BMPR1B: variants seen among roughly 807,000 people sequenced by gnomAD.
The protein encoded by BMPR1B is bone morphogenetic protein receptor type 1B.
BMPR1B carries 12 observed loss-of-function variants against 59.1 expected under a neutral mutation model. The observed-to-expected ratio is 0.20, with a 90% CI of 0.13 to 0.33. BMPR1B has a LOEUF of 0.33. Ranked by LOEUF, BMPR1B falls within the 10% of genes least tolerant of loss-of-function variation. The pLI is 1.00. For missense variants in BMPR1B, 550 were observed against 610.9 expected, an observed-to-expected ratio of 0.90 and a Z score of 1.05; for synonymous variants, 237 against 207.3, an observed-to-expected ratio of 1.14 and a Z score of -1.23.
At chr4:95,097,267 A>ATG (rs1358457656) in intron 3 of BMPR1B, among the ~76,000 whole-genome samples, 1 of 151,236 alleles carries the variant, frequency 6.6e-6, no homozygotes, top group Non-Finnish European at 1.5e-5. Flanking sequence ...GGAGGGAGGG[A>ATG]CAAAGGAATA....
At chr4:95,141,883 G>C (rs372558691) in intron 10 of BMPR1B, among the ~76,000 whole-genome samples, 2 of 152,210 alleles carry the variant, frequency 1.3e-5, no homozygotes, top group African/African-American at 4.8e-5. Context: ...AAGTACAAAA[G>C]AGATAGGGTA....
intron 1 of BMPR1B, among the ~76,000 whole-genome samples, chr4:94,829,327 CTT>C (rs35278466): frequency 1.7e-4 from 23 of 136,876 alleles, no homozygotes; most frequent in Non-Finnish European, 1.9e-4. Flanking sequence ...TTTTATTTTC[CTT>C]TTTTTTTTTT....
intron 3 of BMPR1B, among the ~76,000 whole-genome samples, chr4:95,017,395 G>A (rs1442455458): frequency 1.3e-5 from 2 of 152,156 alleles, no homozygotes; most frequent in Non-Finnish European, 2.9e-5. Context: ...ACTGCATCAC[G>A]AGGGACTTTT....
intron 1 of BMPR1B, among the ~76,000 whole-genome samples, chr4:94,818,553 C>T (rs1169301505): frequency 1.3e-5 from 2 of 152,198 alleles, no homozygotes; most frequent in Non-Finnish European, 2.9e-5. Flanking sequence ...TAGATTAAAG[C>T]AGTGACCAGA....
intron 2 of BMPR1B, among the ~76,000 whole-genome samples, chr4:94,990,676 T>TTGTTG (rs1721677727): frequency 6.7e-6 from 1 of 149,994 alleles, no homozygotes; most frequent in Admixed American, 6.7e-5. Context: ...GGAATGAGGT[T>TTGTTG]TTGTTGTTGT....
At chr4:95,025,130 G>A (rs912159355) in intron 3 of BMPR1B, among the ~76,000 whole-genome samples, 10 of 152,088 alleles carry the variant, frequency 6.6e-5, no homozygotes, top group Admixed American at 2.6e-4. Flanking sequence ...TATAGGGACC[G>A]TGGAAGGAAA....
At chr4:94,879,144 C>A (rs1180058506) in intron 2 of BMPR1B, among the ~76,000 whole-genome samples, 1 of 152,170 alleles carries the variant, frequency 6.6e-6, no homozygotes, top group Non-Finnish European at 1.5e-5. Context: ...ATTATAATTT[C>A]TTCTCATTTC....
chr4:94,862,706 C>T (rs112321344), intron 1 of BMPR1B, among the ~76,000 whole-genome samples: 1 of 150,528 alleles, frequency 6.6e-6, no homozygotes, highest in Non-Finnish European at 1.5e-5. Flanking sequence ...AGCACTTTGG[C>T]AGGCCGAGAC....
intron 3 of BMPR1B, among the ~76,000 whole-genome samples, chr4:95,054,142 A>G (rs1726746421): frequency 6.6e-6 from 1 of 152,222 alleles, no homozygotes; most frequent in Admixed American, 6.5e-5. Context: ...CAGGTGCATA[A>G]AAATATTTTG....
chr4:94,841,076 G>T, intron 1 of BMPR1B, among the ~76,000 whole-genome samples: 1 of 148,154 alleles, frequency 6.7e-6, no homozygotes, highest in Non-Finnish European at 1.5e-5. Flanking sequence ...AGGCTGTTCG[G>T]GTGTCAGGGG....
chr4:95,088,314 A>C (rs571518266), intron 3 of BMPR1B, among the ~76,000 whole-genome samples: 9 of 152,282 alleles, frequency 5.9e-5, no homozygotes, highest in Non-Finnish European at 1.3e-4. Context: ...GCTAGTGAGG[A>C]GCCACTGAAC....
chr4:94,883,237 T>C (rs1727050178), intron 2 of BMPR1B, among the ~76,000 whole-genome samples: 1 of 152,210 alleles, frequency 6.6e-6, no homozygotes, highest in Admixed American at 6.6e-5. Flanking sequence ...GGAGAGAGTG[T>C]CTGTGAACTC....
chr4:94,796,334 G>T (rs1403539765), intron 1 of BMPR1B, among the ~76,000 whole-genome samples: 1 of 152,166 alleles, frequency 6.6e-6, no homozygotes, highest in African/African-American at 2.4e-5. Context: ...TAGTGTTTAG[G>T]TGAAATCATG....
At chr4:94,969,927 T>C (rs948510482) in intron 2 of BMPR1B, among the ~76,000 whole-genome samples, 3 of 152,216 alleles carry the variant, frequency 2.0e-5, no homozygotes, top group Non-Finnish European at 4.4e-5. Flanking sequence ...GTGTTTTGGT[T>C]GTCTTATGTT....
At chr4:94,807,240 G>A (rs367718632) in intron 1 of BMPR1B, among the ~76,000 whole-genome samples, 40 of 152,154 alleles carry the variant, frequency 2.6e-4, no homozygotes, top group African/African-American at 9.6e-4. Context: ...GACCACAGAT[G>A]CCCACTACCA....
At chr4:95,127,093 T>G (rs956571734) in intron 8 of BMPR1B, among the ~76,000 whole-genome samples, 1 of 117,906 alleles carries the variant, frequency 8.5e-6, no homozygotes, top group Non-Finnish European at 2.0e-5. Flanking sequence ...CTTCTCACAG[T>G]CCTGGAATAG....
At chr4:94,910,207 T>C (rs907495108) in intron 2 of BMPR1B, among the ~76,000 whole-genome samples, 3 of 152,146 alleles carry the variant, frequency 2.0e-5, no homozygotes, top group Non-Finnish European at 1.5e-5. Context: ...AAGGTAGATT[T>C]ATTGCAACTA....
intron 2 of BMPR1B, among the ~76,000 whole-genome samples, chr4:94,952,670 G>A (rs912084118): frequency 6.6e-6 from 1 of 152,022 alleles, no homozygotes; most frequent in African/African-American, 2.4e-5. Context: ...GAGGAGTGTT[G>A]TACTTCCAAT....
Position 95,140,827 on chromosome 4 carries a change from A to G in BMPR1B, c.1077-7921A>G, listed in dbSNP as rs138559085. Among the ~76,000 whole-genome samples the G allele has an allele frequency of 4.5e-3, 689 of 152,286 alleles. 6 individuals are homozygous for G. The highest frequency in any genetic ancestry group is 0.044 in the Middle Eastern group (13 of 294). On this transcript the variant is annotated intron_variant, in intron 10 of 12. Transcript: ENST00000515059. ...AAAGTAACTGAGACTCATCTCCTTT[A>G]TAGACCTTAAAACAAAAAAGGAAAG...
Sources: allele counts gnomAD v4.1 joint callset (sites outside exome capture counted in the v4.1 genomes callset), GRCh38; gene constraint gnomAD v4.1.1; transcripts MANE v1.5; gene names NCBI Gene and HGNC (gene_info 2026-07-23, HGNC 2026-07-21).